ITGA9: variants seen among roughly 807,000 people sequenced by gnomAD.
The protein encoded by ITGA9 is integrin alpha-9.
In ITGA9, 56 loss-of-function variants were observed where a neutral mutation model predicts 127.8. That is an observed-to-expected ratio of 0.44 (90% confidence interval 0.35 to 0.55). ITGA9 has a LOEUF of 0.55. ITGA9 is among the 20% of genes least tolerant of loss of function. ITGA9 has a pLI of 0.00. For missense variants in ITGA9, 1,196 were observed against 1,347.1 expected (o/e 0.89, Z 1.76); for synonymous variants, 508 against 514.5 (o/e 0.99, Z 0.17).
At chr3:37,698,126 A>G (rs1700906087) in intron 18 of ITGA9, among the ~76,000 whole-genome samples, 1 of 152,222 alleles carries the variant, frequency 6.6e-6, no homozygotes, top group Non-Finnish European at 1.5e-5. Context: ...GGCTGCATAA[A>G]TGTCTTCTTT....
intron 3 of ITGA9, among the ~76,000 whole-genome samples, chr3:37,481,255 C>G (rs1457296676): frequency 2.0e-5 from 3 of 152,160 alleles, no homozygotes; most frequent in African/African-American, 7.2e-5. Flanking sequence ...AGCTACAATT[C>G]TCATTTGTTG....
intron 17 of ITGA9, among the ~76,000 whole-genome samples, chr3:37,674,277 G>A (rs1013810657): frequency 6.6e-6 from 1 of 152,256 alleles, no homozygotes; most frequent in African/African-American, 2.4e-5. Context: ...AGACTTAACT[G>A]TAAAAGCTCC....
chr3:37,751,290 C>T (rs1354459102), intron 23 of ITGA9, among the ~76,000 whole-genome samples: 1 of 152,192 alleles, frequency 6.6e-6, no homozygotes, highest in Non-Finnish European at 1.5e-5. Flanking sequence ...CTCTGCTGAC[C>T]CAGCAGAAGA....
chr3:37,515,616 C>T lies in ITGA9; in HGVS notation c.1035+1716C>T, dbSNP rs1698976753. On this transcript the variant is annotated intron_variant, in intron 9 of 27. Transcript: ENST00000264741. ...AATTAGCCTGGTGTGGTGGTGCTTG[C>T]CTGTGGTCCCAGCTGAGGCTGAGGT... 2.0e-5 allele frequency among the ~76,000 whole-genome samples: 3 copies of T among 152,290 alleles called. No homozygotes were observed. In the South Asian group the frequency reaches 6.2e-4, roughly 32 times the overall value.
At chr3:37,530,273 G>A (rs1283313923) in intron 13 of ITGA9, among the ~76,000 whole-genome samples, 1 of 152,210 alleles carries the variant, frequency 6.6e-6, no homozygotes, top group South Asian at 2.1e-4. Flanking sequence ...GGCTCAGCCT[G>A]GCCTAACTGA....
At chr3:37,721,430 A>G (rs1372308504) in intron 18 of ITGA9, among the ~76,000 whole-genome samples, 1 of 151,954 alleles carries the variant, frequency 6.6e-6, no homozygotes, top group Non-Finnish European at 1.5e-5. Flanking sequence ...AAATTTCACT[A>G]CCTAACTTGG....
At chr3:37,678,626 G>A (rs1172122047) in intron 17 of ITGA9, among the ~76,000 whole-genome samples, 1 of 152,190 alleles carries the variant, frequency 6.6e-6, no homozygotes, top group Non-Finnish European at 1.5e-5. Flanking sequence ...ACTCAGGCTA[G>A]ATTTATGATG....
intron 5 of ITGA9, among the ~76,000 whole-genome samples, chr3:37,498,364 A>G (rs1349831996): frequency 6.6e-6 from 1 of 152,158 alleles, no homozygotes; most frequent in African/African-American, 2.4e-5. Context: ...TCAGAACTCA[A>G]CGGAGATGTT....
At chr3:37,730,229 C>A (rs1297931755) in intron 18 of ITGA9, among the ~76,000 whole-genome samples, 2 of 152,132 alleles carry the variant, frequency 1.3e-5, no homozygotes, top group African/African-American at 4.8e-5. Flanking sequence ...ACCAGAATGA[C>A]AGAAATGAAC....
At chr3:37,665,313 C>A (rs755263384) in intron 17 of ITGA9, among the ~76,000 whole-genome samples, 12 of 151,930 alleles carry the variant, frequency 7.9e-5, no homozygotes, top group Non-Finnish European at 1.5e-4. Context: ...GAATCTCTGG[C>A]TATAGGAATG....
intron 15 of ITGA9, among the ~76,000 whole-genome samples, chr3:37,620,527 ATCC>A (rs1187611444): frequency 6.6e-6 from 1 of 152,150 alleles, no homozygotes; most frequent in African/African-American, 2.4e-5. Flanking sequence ...TGATTCTGTC[ATCC>A]CATTTTACAT....
At chr3:37,606,229 G>A (rs1699967738) in intron 15 of ITGA9, among the ~76,000 whole-genome samples, 1 of 152,152 alleles carries the variant, frequency 6.6e-6, no homozygotes, top group Non-Finnish European at 1.5e-5. Flanking sequence ...TTTCTTTGTG[G>A]TGTCTCAGCA....
intron 15 of ITGA9, among the ~76,000 whole-genome samples, chr3:37,627,093 A>G (rs1400723209): frequency 6.6e-6 from 1 of 152,200 alleles, no homozygotes; most frequent in Non-Finnish European, 1.5e-5. Context: ...CTGCCCCGAT[A>G]TCTGGAGTTC....
chr3:37,710,341 A>G (rs1398375222), intron 18 of ITGA9, among the ~76,000 whole-genome samples: 1 of 152,180 alleles, frequency 6.6e-6, no homozygotes, highest in Non-Finnish European at 1.5e-5. Flanking sequence ...TCACAATTAA[A>G]TGGAGTAGGA....
intron 18 of ITGA9, among the ~76,000 whole-genome samples, chr3:37,716,186 C>T (rs980316439): frequency 1.3e-5 from 2 of 152,092 alleles, no homozygotes; most frequent in African/African-American, 2.4e-5. Context: ...CCAGGAGCCC[C>T]GTGGCCATCC....
At chr3:37,634,437 C>G (rs1700258204) in intron 16 of ITGA9, among the ~76,000 whole-genome samples, 2 of 151,598 alleles carry the variant, frequency 1.3e-5, no homozygotes, top group African/African-American at 4.8e-5. Flanking sequence ...AAATGGAAAC[C>G]AACACAGAGC....
chr3:37,676,440 A>T (rs959774107), intron 17 of ITGA9, among the ~76,000 whole-genome samples: 1 of 152,206 alleles, frequency 6.6e-6, no homozygotes, highest in Non-Finnish European at 1.5e-5. Context: ...TGGGGTAATT[A>T]TACAGCAGTT....
intron 27 of ITGA9, among the ~76,000 whole-genome samples, chr3:37,805,067 CT>C (rs11442951): frequency 6.1e-4 from 89 of 146,274 alleles, no homozygotes; most frequent in Middle Eastern, 3.5e-3. Context: ...CAGTGGGTTC[CT>C]TTTTTTTTTT....
In ITGA9 at chr3:37,506,004, C is replaced by T. The variant is rs765557641; in HGVS notation, c.747C>T (p.Tyr249=). 2.0e-5 allele frequency: 32 copies of T among 1,602,738 alleles called. No homozygotes were observed. Among genetic ancestry groups the T allele is most frequent in the Middle Eastern group, 3.3e-4 (2 of 6,076 alleles). ...GTTTCCGCCCATCCTGTTCAGGCTACGCAGTGACCGCTGGCCACTTCTCTC... is the reference window on the plus strand; with the variant it reads ...GTTTCCGCCCATCCTGTTCAGGCTATGCAGTGACCGCTGGCCACTTCTCTC... ...IMNRRYTYLG[Y]AVTAGHFSHP... The change falls in exon 7 of 28, where the codon TAC becomes TAT. Residue 249 remains tyrosine (Y), a synonymous_variant. Transcript: ENST00000264741.
Sources: gnomAD v4.1 joint callset for allele counts (sites outside exome capture counted in the v4.1 genomes callset) on GRCh38, gnomAD v4.1.1 for gene constraint, MANE v1.5 for transcripts, NCBI Gene and HGNC (gene_info 2026-07-23, HGNC 2026-07-21) for gene names.